FOXK2: variants seen among roughly 807,000 people sequenced by gnomAD.
The protein encoded by FOXK2 is forkhead box K2.
Under a neutral mutation model 53.3 loss-of-function variants are expected in FOXK2, and 24 were observed. The observed-to-expected ratio is 0.45, with a 90% CI of 0.33 to 0.63. The LOEUF is 0.63. Among genes scored for constraint, FOXK2 ranks in the 30% least tolerant of loss-of-function variants. FOXK2 has a pLI of 0.03. For synonymous variants in FOXK2, 505 were observed against 407.1 expected (o/e 1.24, Z -2.89); for missense variants, 952 against 910.5 (o/e 1.05, Z -0.59).
intron 1 of FOXK2, among the ~76,000 whole-genome samples, chr17:82,562,779 A>T (rs2044810555): frequency 1.3e-5 from 2 of 151,718 alleles, no homozygotes; most frequent in Admixed American, 1.3e-4. Flanking sequence ...ATGTAAACTA[A>T]GTAGTATTTG....
chr17:82,573,562 T>TCTCACA (rs1185597025), intron 4 of FOXK2, among the ~76,000 whole-genome samples: 695 of 83,326 alleles, frequency 8.3e-3, no homozygotes, highest in Admixed American at 0.01. Flanking sequence ...TCTCTCTCTC[T>TCTCACA]CACACACACA....
chr17:82,555,954 G>T (rs1212795832), intron 1 of FOXK2, among the ~76,000 whole-genome samples: 2 of 147,196 alleles, frequency 1.4e-5, no homozygotes, highest in Non-Finnish European at 3.0e-5. Flanking sequence ...ATAGAAAATG[G>T]CACAGTGAAC....
At position 82,519,922 on chromosome 17, in the gene FOXK2, G is replaced by T; in HGVS notation, c.34G>T (p.Gly12Cys). ...AAAAAALSGA[G>C]TPPAGGGAGG... is the part of the protein sequence containing the mutation. ...GGCCGCGGCGGCGCTCTCGGGCGCG[G>T]GCACGCCACCCGCGGGCGGCGGGGC... Residue 12 changes from glycine (G) to cysteine (C), a missense_variant, in exon 1 of 9, where the codon GGC (glycine) becomes TGC (cysteine). This residue lies in a region of FOXK2 where 163 missense variants were observed against 165.5 expected (regional missense o/e 0.98). Coordinates refer to ENST00000335255, the MANE Select transcript of FOXK2 (RefSeq NM_004514.4). The T allele has an allele frequency of 1.0e-6, 1 of 978,668 alleles. No homozygotes were observed. Among genetic ancestry groups the T allele is most frequent in the Non-Finnish European group, 1.2e-6 (1 of 827,174 alleles). The allele number at this position is 978,668 out of a possible 1,614,324, so 60.6% of individuals were successfully genotyped here.
At chr17:82,557,032 T>TTA (rs1287412998) in intron 1 of FOXK2, among the ~76,000 whole-genome samples, 2 of 139,298 alleles carry the variant, frequency 1.4e-5, no homozygotes, top group South Asian at 2.4e-4. Flanking sequence ...ATTATTATTA[T>TTA]TTTTTATTTT....
intron 3 of FOXK2, among the ~76,000 whole-genome samples, chr17:82,569,320 G>C (rs942630655): frequency 2.0e-5 from 3 of 152,230 alleles, no homozygotes; most frequent in Non-Finnish European, 2.9e-5. Context: ...AGGAGGGCGC[G>C]TCGCGTGTGG....
intron 4 of FOXK2, among the ~76,000 whole-genome samples, chr17:82,581,783 T>TAC: frequency 6.6e-6 from 1 of 152,128 alleles, no homozygotes; most frequent in East Asian, 1.9e-4. Flanking sequence ...CCAATTTTTG[T>TAC]ATGTTCAGTA....
At chr17:82,572,091 C>T in intron 4 of FOXK2, 4 of 426,484 alleles carry the variant, frequency 9.4e-6, no homozygotes, top group Middle Eastern at 1.2e-3. Flanking sequence ...AGCGTCTAGG[C>T]CTGCATGCTT....
rs533606324 is a variant in FOXK2 at position 82,570,036 on chromosome 17, C to A, written c.763-1688C>A. On this transcript the variant is annotated intron_variant, in intron 3 of 8. Coordinates refer to ENST00000335255, the MANE Select transcript of FOXK2 (RefSeq NM_004514.4). ...AGGAGATCGAGACCATCCTGGCTAA[C>A]ACGGTGAAATCCCGTCTGTACTAAA... Among the ~76,000 whole-genome samples, 7 of 149,148 alleles carry A rather than the reference C, an allele frequency of 4.7e-5. No homozygotes were observed. The South Asian group carries it at 1.1e-3, about 23-fold the overall frequency.
chr17:82,595,080 A>T (rs1438631389), intron 8 of FOXK2, among the ~76,000 whole-genome samples: 1 of 152,238 alleles, frequency 6.6e-6, no homozygotes, highest in Non-Finnish European at 1.5e-5. Flanking sequence ...AAGCCGGCAT[A>T]CATTGTCTTT....
At chr17:82,595,843 C>T (rs1427806721) in intron 8 of FOXK2, 1 of 1,289,636 alleles carries the variant, frequency 7.8e-7, no homozygotes, top group Admixed American at 2.3e-5. Context: ...TCAGTTGACA[C>T]AGCAGGCCCC....
chr17:82,574,645 C>T (rs1369457754), intron 4 of FOXK2, among the ~76,000 whole-genome samples: 1 of 152,134 alleles, frequency 6.6e-6, no homozygotes, highest in Non-Finnish European at 1.5e-5. Context: ...TCTTTCTGTC[C>T]TCAGCTGTAC....
Position 82,520,041 on chromosome 17 carries a change from G to A in FOXK2, c.153G>A (p.Lys51=). ...EGREFEYLMK[K]RSVTIGRNSS... ...GCGAGTTCGAGTATCTGATGAAGAA[G>A]CGCTCGGTGACCATCGGCCGCAACT... The change falls in exon 1 of 9, where the codon AAG becomes AAA. Residue 51 remains lysine (K), a synonymous_variant. Transcript: ENST00000335255. 1 of 1,519,668 alleles carries A rather than the reference G, an allele frequency of 6.6e-7. No individual in the cohort carries two copies. Among genetic ancestry groups the A allele is most frequent in the Non-Finnish European group, 8.8e-7 (1 of 1,134,614 alleles). 94.1% of individuals were successfully genotyped at this position (1,519,668 alleles called of 1,614,324 possible).
intron 8 of FOXK2, among the ~76,000 whole-genome samples, chr17:82,589,335 C>T (rs1427734772): frequency 1.3e-5 from 2 of 152,084 alleles, no homozygotes; most frequent in East Asian, 1.9e-4. Context: ...AGGTTTTGTA[C>T]GAGTCACATA....
At chr17:82,575,903 C>A (rs546332827) in intron 4 of FOXK2, among the ~76,000 whole-genome samples, 1 of 147,588 alleles carries the variant, frequency 6.8e-6, no homozygotes, top group Non-Finnish European at 1.5e-5. Flanking sequence ...TTCATCCACA[C>A]GTCCACACCA....
intron 8 of FOXK2, 109 bp downstream of exon 8, chr17:82,587,381 G>A (rs2045198204): frequency 1.2e-6 from 1 of 840,308 alleles, no homozygotes; most frequent in East Asian, 2.7e-5. Flanking sequence ...TTTGTCTGAG[G>A]CAATGTTTGC....
intron 1 of FOXK2, among the ~76,000 whole-genome samples, chr17:82,543,487 C>T (rs2044593306): frequency 6.6e-6 from 1 of 152,238 alleles, no homozygotes; most frequent in South Asian, 2.1e-4. Flanking sequence ...CAGAGGTCCA[C>T]CACAGCTGCC....
intron 1 of FOXK2, among the ~76,000 whole-genome samples, chr17:82,531,030 G>GAA (rs1367656644): frequency 6.6e-6 from 1 of 152,174 alleles, no homozygotes; most frequent in Non-Finnish European, 1.5e-5. Context: ...GGTCCTCCTT[G>GAA]AGGACCTGTT....
intron 1 of FOXK2, among the ~76,000 whole-genome samples, chr17:82,525,050 A>G (rs1285164684): frequency 6.7e-6 from 1 of 149,430 alleles, no homozygotes; most frequent in East Asian, 2.0e-4. Flanking sequence ...ATCTCGGCTC[A>G]CTGCAACCTC....
intron 8 of FOXK2, among the ~76,000 whole-genome samples, chr17:82,591,357 C>T (rs774839097): frequency 9.2e-5 from 14 of 152,132 alleles, no homozygotes; most frequent in Non-Finnish European, 1.6e-4. Flanking sequence ...GTCCCGTTGT[C>T]GCCGTTGTCC....
Sources: gnomAD v4.1 joint callset for allele counts (sites outside exome capture counted in the v4.1 genomes callset) on GRCh38, gnomAD v4.1.1 for gene constraint, gnomAD v4.1.1 regional missense constraint, MANE v1.5 for transcripts, NCBI Gene and HGNC (gene_info 2026-07-23, HGNC 2026-07-21) for gene names.